Variants in VWA8 observed in about 807,000 individuals in gnomAD.
VWA8 encodes the protein von Willebrand factor A domain containing 8.
Under a neutral mutation model 241.5 loss-of-function variants are expected in VWA8, and 221 were observed. The observed-to-expected ratio is 0.91, with a 90% CI of 0.82 to 1.02. The LOEUF (loss-of-function observed/expected upper bound fraction) is 1.02. Among genes scored for constraint, VWA8 ranks in the 50% least tolerant of loss-of-function variants. VWA8 has a pLI of 0.00. For synonymous variants in VWA8, 852 were observed against 827.1 expected (o/e 1.03, Z -0.52); for missense variants, 2,322 against 2,328.7 (o/e 1.00, Z 0.06).
Position 41,950,012 on chromosome 13 carries a change from A to G in VWA8, c.165T>C (p.Gly55=). 6.5e-7 allele frequency: 1 copy of G among 1,545,588 alleles called. No individual in the cohort carries two copies. The highest frequency in any genetic ancestry group is 1.2e-5 in the South Asian group (1 of 82,820). Residue 55 remains glycine, a splice_region_variant and synonymous_variant, in exon 2 of 45, where the codon GGT becomes GGC. Coordinates refer to ENST00000379310, the MANE Select transcript of VWA8 (RefSeq NM_015058.2). ...ATACATCTCCAATATTAACTGTATCACCTAAAAAGAGATTTTAAAAACAGA... is the reference window on the plus strand; with the variant it reads ...ATACATCTCCAATATTAACTGTATCGCCTAAAAAGAGATTTTAAAAACAGA... ...LLHAGSGADT[G]DTVNIGDVSY...
intron 26 of VWA8, among the ~76,000 whole-genome samples, chr13:41,717,084 T>C (rs778352520): frequency 6.6e-6 from 1 of 151,904 alleles, no homozygotes; most frequent in Non-Finnish European, 1.5e-5. Flanking sequence ...ATTCAAAGGA[T>C]GTTAGAATAG....
At chr13:41,703,967 G>A (rs1013864505) in intron 26 of VWA8, among the ~76,000 whole-genome samples, 1 of 151,820 alleles carries the variant, frequency 6.6e-6, no homozygotes, top group Non-Finnish European at 1.5e-5. Context: ...TAGTAGAGAC[G>A]GGGTTTCTCA....
chr13:41,763,352 A>G (rs963433731), intron 20 of VWA8, among the ~76,000 whole-genome samples: 2 of 141,302 alleles, frequency 1.4e-5, no homozygotes, highest in Non-Finnish European at 3.2e-5. Context: ...TAGATAGATA[A>G]AGTGGGATAA....
intron 19 of VWA8, among the ~76,000 whole-genome samples, chr13:41,783,058 T>C (rs1427068926): frequency 6.6e-6 from 1 of 151,214 alleles, no homozygotes; most frequent in African/African-American, 2.4e-5. Context: ...GACATATCCC[T>C]CTGAACTACT....
chr13:41,907,759 A>T, intron 3 of VWA8, 63 bp from the exon 4 acceptor site: 1 of 1,431,754 alleles, frequency 7.0e-7, no homozygotes, highest in Non-Finnish European at 9.8e-7. Flanking sequence ...ATGATTTGGA[A>T]CTAGTTATCT....
intron 17 of VWA8, among the ~76,000 whole-genome samples, chr13:41,788,927 T>TTACA (rs1181565782): frequency 2.0e-5 from 3 of 152,160 alleles, no homozygotes; most frequent in African/African-American, 7.2e-5. Context: ...CATTTCTAGA[T>TTACA]TACACTCCAA....
At chr13:41,627,570 T>C (rs1243577264) in intron 37 of VWA8, among the ~76,000 whole-genome samples, 1 of 152,216 alleles carries the variant, frequency 6.6e-6, no homozygotes, top group Non-Finnish European at 1.5e-5. Context: ...GTCCTTGCCA[T>C]CCACACTACA....
At chr13:41,793,401 T>C (rs2137950666) in intron 17 of VWA8, among the ~76,000 whole-genome samples, 1 of 152,264 alleles carries the variant, frequency 6.6e-6, no homozygotes, top group African/African-American at 2.4e-5. Flanking sequence ...TTTTAATAGA[T>C]GGAAGTGAAA....
chr13:41,568,317 G>A lies in VWA8; in HGVS notation c.5610-12C>T. Reference sequence around the variant, plus strand: ...AAGTTCTCTGAAGCCTGCCAGGATGGAAAGGGAAAGGAAGTTACCACTGTA... The same window carrying A: ...AAGTTCTCTGAAGCCTGCCAGGATGAAAAGGGAAAGGAAGTTACCACTGTA... On this transcript the variant is annotated splice_polypyrimidine_tract_variant and intron_variant, in intron 44 of 44. Transcript: ENST00000379310. The A allele has an allele frequency of 1.2e-6, 2 of 1,611,912 alleles. No homozygotes were observed. Among genetic ancestry groups the A allele is most frequent in the Non-Finnish European group, 1.7e-6 (2 of 1,178,014 alleles).
intron 39 of VWA8, among the ~76,000 whole-genome samples, chr13:41,610,101 A>G (rs924971858): frequency 6.6e-6 from 1 of 152,168 alleles, no homozygotes; most frequent in African/African-American, 2.4e-5. Flanking sequence ...TTGGGCAAAA[A>G]ATTAGACTGA....
chr13:41,933,477 A>G (rs1474698162), intron 2 of VWA8, among the ~76,000 whole-genome samples: 2 of 152,102 alleles, frequency 1.3e-5, no homozygotes. Context: ...TACAAATCAC[A>G]TATAGATGCA....
At chr13:41,716,165 G>A (rs2045346775) in intron 26 of VWA8, among the ~76,000 whole-genome samples, 1 of 151,852 alleles carries the variant, frequency 6.6e-6, no homozygotes. Context: ...TTCTGATCCT[G>A]GTACTAAGGT....
At chr13:41,785,922 G>A (rs1002430143) in intron 18 of VWA8, among the ~76,000 whole-genome samples, 3 of 151,894 alleles carry the variant, frequency 2.0e-5, no homozygotes, top group South Asian at 2.1e-4. Flanking sequence ...TTTAGTTTAC[G>A]GAATACATCC....
chr13:41,680,807 T>C (rs1042872335), intron 35 of VWA8, among the ~76,000 whole-genome samples: 2 of 152,180 alleles, frequency 1.3e-5, no homozygotes, highest in South Asian at 2.1e-4. Context: ...CATAGCACCA[T>C]TATTTGTAAT....
rs971300031 is a variant in VWA8 at position 41,598,243 on chromosome 13, AC to A, written c.4986+6924del. On this transcript the variant is annotated intron_variant, in intron 40 of 44. Coordinates refer to ENST00000379310, the MANE Select transcript of VWA8 (RefSeq NM_015058.2). ...TCCCATATGTAACATAAATTGTTACACTTTTACTTTCTTCTATTCCTTCTCT... is the reference window on the plus strand; with the variant it reads ...TCCCATATGTAACATAAATTGTTACATTTTACTTTCTTCTATTCCTTCTCT... Among the ~76,000 whole-genome samples the A allele has an allele frequency of 9.9e-5, 15 of 152,232 alleles. 1 individual carries two copies. Among genetic ancestry groups the A allele is most frequent in the African/African-American group, 3.4e-4 (14 of 41,564 alleles).
intron 12 of VWA8, among the ~76,000 whole-genome samples, chr13:41,853,718 C>A (rs1593818501): frequency 6.6e-6 from 1 of 151,960 alleles, no homozygotes; most frequent in Non-Finnish European, 1.5e-5. Flanking sequence ...GATGTTTGTT[C>A]TTTTGTTTAT....
chr13:41,719,786 TACA>T, intron 25 of VWA8, 44 bp from the exon 26 acceptor site: 1 of 1,528,954 alleles, frequency 6.5e-7, no homozygotes, highest in Non-Finnish European at 8.9e-7. Context: ...TGATAAAATA[TACA>T]ACATTATAAA....
intron 10 of VWA8, among the ~76,000 whole-genome samples, chr13:41,866,438 T>C (rs1389029606): frequency 3.3e-5 from 5 of 151,728 alleles, no homozygotes; most frequent in Non-Finnish European, 7.4e-5. Flanking sequence ...ACATGCATGT[T>C]TTTCTCAAAA....
intron 21 of VWA8, among the ~76,000 whole-genome samples, chr13:41,749,727 C>A: frequency 6.6e-6 from 1 of 152,062 alleles, no homozygotes. Context: ...AAGCTCGAAA[C>A]CATCATTCTC....
Sources: allele counts gnomAD v4.1 joint callset (sites outside exome capture counted in the v4.1 genomes callset), GRCh38; gene constraint gnomAD v4.1.1; transcripts MANE v1.5; gene names NCBI Gene and HGNC (gene_info 2026-07-23, HGNC 2026-07-21).